PDCD2L: variants seen among roughly 807,000 people sequenced by gnomAD.
PDCD2L encodes uS5 assembly chaperone PDCD2L.
In PDCD2L, 44 loss-of-function variants were observed where a neutral mutation model predicts 40.4. The observed-to-expected ratio is 1.09, with a 90% CI of 0.86 to 1.40. PDCD2L has a LOEUF of 1.40. PDCD2L is among the 40% of genes most tolerant of loss of function. The pLI is 0.00. For synonymous variants in PDCD2L, 194 were observed against 174.6 expected (o/e 1.11, Z -0.88); for missense variants, 470 against 453.7 (o/e 1.04, Z -0.33).
intron 3 of PDCD2L, among the ~76,000 whole-genome samples, chr19:34,406,417 G>A (rs899724352): frequency 6.8e-6 from 1 of 146,126 alleles, no homozygotes; most frequent in African/African-American, 2.5e-5. Flanking sequence ...ACGGAGTCTT[G>A]CTCTGTTGCC....
chr19:34,408,542 G>A (rs1049980477), intron 3 of PDCD2L, among the ~76,000 whole-genome samples: 2 of 152,128 alleles, frequency 1.3e-5, no homozygotes, highest in African/African-American at 4.8e-5. Flanking sequence ...TTAGTAAGTG[G>A]ATAGGCTGAA....
intron 3 of PDCD2L, among the ~76,000 whole-genome samples, chr19:34,407,528 C>CT (rs1238656902): frequency 6.6e-6 from 1 of 151,980 alleles, no homozygotes. Context: ...CAGCATTTGT[C>CT]TTTGTGTCTG....
intron 4 of PDCD2L, among the ~76,000 whole-genome samples, chr19:34,409,817 C>G (rs1187067423): frequency 2.0e-5 from 3 of 152,062 alleles, no homozygotes; most frequent in African/African-American, 7.2e-5. Context: ...CAGAGACAGG[C>G]AAGTTAGAAA....
chr19:34,423,216 A>G (rs1473304056), intron 6 of PDCD2L, among the ~76,000 whole-genome samples: 1 of 151,726 alleles, frequency 6.6e-6, no homozygotes, highest in South Asian at 2.1e-4. Context: ...TTTGAGACGG[A>G]GTTTCACCCA....
chr19:34,410,330 C>T (rs1385254750), intron 4 of PDCD2L, among the ~76,000 whole-genome samples: 1 of 152,214 alleles, frequency 6.6e-6, no homozygotes, highest in Admixed American at 6.5e-5. Context: ...CGGCTCACTG[C>T]AACCTCCACC....
rs377501208 is a variant in PDCD2L, at chr19:34,426,162, A to G, written c.*42A>G. On this transcript the variant is annotated 3_prime_UTR_variant, in exon 7 of 7. Transcript: ENST00000246535. ...AATATAAATTAAAACAAATGTTTAC[A>G]TCCAAATATGTTTGTATGTACCTTA... 4.2e-6 allele frequency: 6 copies of G among 1,438,634 alleles called. No individual in the cohort carries two copies. In the African/African-American group the frequency reaches 7.2e-5, roughly 17 times the overall value. The allele number at this position is 1,438,634 out of a possible 1,614,324, so 89.1% of individuals were successfully genotyped here.
At chr19:34,409,611 C>A in intron 4 of PDCD2L, 101 bp downstream of exon 4, 1 of 1,071,228 alleles carries the variant, frequency 9.3e-7, no homozygotes, top group Non-Finnish European at 1.4e-6. Context: ...AACTTTCAGG[C>A]AGAACTTGTA....
Position 34,413,742 on chromosome 19 carries a change from C to T in PDCD2L, c.692C>T (p.Pro231Leu). 6.4e-7 allele frequency: 1 copy of T among 1,560,660 alleles called. No individual in the cohort carries two copies. Among genetic ancestry groups the T allele is most frequent in the Non-Finnish European group, 8.8e-7 (1 of 1,137,518 alleles). The change falls in exon 5 of 7, where the codon CCT (proline) becomes CTT (leucine). Residue 231 changes from proline (P) to leucine (L), a missense_variant. Pro to Leu is a moderately conservative substitution (Grantham distance 98). Coordinates refer to ENST00000246535, the MANE Select transcript of PDCD2L (RefSeq NM_032346.2). ...AMDQLLSQSL[P>L]NDGDEKYEKT... ...TTTTCTGCTTCTGTTTTTAGCCTTC[C>T]TAATGATGGTGATGAAAAATATGAG...
chr19:34,408,365 C>T (rs996379757), intron 3 of PDCD2L, among the ~76,000 whole-genome samples: 1 of 150,028 alleles, frequency 6.7e-6, no homozygotes, highest in South Asian at 2.1e-4. Flanking sequence ...GAGTGTCGCT[C>T]TGTCACCCAG....
chr19:34,410,253 G>A (rs1198533692), intron 4 of PDCD2L, among the ~76,000 whole-genome samples: 1 of 152,120 alleles, frequency 6.6e-6, no homozygotes, highest in Non-Finnish European at 1.5e-5. Context: ...ACACCACCAT[G>A]TCTGACCAAT....
chr19:34,406,146 CA>C (rs1171959712), intron 3 of PDCD2L, among the ~76,000 whole-genome samples: 1 of 151,458 alleles, frequency 6.6e-6, no homozygotes, highest in Non-Finnish European at 1.5e-5. Flanking sequence ...TGTCCCCTGC[CA>C]AAAAAACAAA....
At chr19:34,418,272 C>T (rs923304355) in intron 5 of PDCD2L, among the ~76,000 whole-genome samples, 6 of 152,206 alleles carry the variant, frequency 3.9e-5, no homozygotes, top group East Asian at 1.9e-4. Flanking sequence ...CATACTTCTT[C>T]GCAAGTTCTT....
chr19:34,405,871 A>G (rs2075072444), intron 3 of PDCD2L, among the ~76,000 whole-genome samples: 1 of 152,008 alleles, frequency 6.6e-6, no homozygotes, highest in African/African-American at 2.4e-5. Flanking sequence ...ATGCCACTGC[A>G]CTCCAGCGTG....
rs775170239 is a variant in PDCD2L at position 34,420,318 on chromosome 19, GT to G, written c.798-1189del. ...CCTTGTCCACTAGGTTTTTTTTTTG[GT>G]TTTTTTTTTTTACATATTCATTACT... On this transcript the variant is annotated intron_variant, in intron 5 of 6. Transcript: ENST00000246535. 7.5e-3 allele frequency among the ~76,000 whole-genome samples: 1,067 copies of G among 142,332 alleles called. 7 individuals carry two copies. Among genetic ancestry groups the G allele is most frequent in the African/African-American group, 0.024 (946 of 39,482 alleles). The allele number at this position is 142,332 out of a possible 152,430, so 93.4% of individuals were successfully genotyped here.
intron 3 of PDCD2L, among the ~76,000 whole-genome samples, chr19:34,405,504 T>C (rs543348581): frequency 5.3e-5 from 8 of 152,150 alleles, no homozygotes; most frequent in African/African-American, 1.7e-4. Context: ...TTTTATTTTC[T>C]AACTCCTTTG....
In PDCD2L at chr19:34,421,529, A is replaced by C. The variant is rs749887151; in HGVS notation, c.808A>C (p.Ser270Arg). ...CQEQILRYSW[S>R]GEPLFLTCPT... The stretch of plus-strand genomic sequence containing the variant: ...GTTTCCTTGTCCTAGGTATTCCTGG[A>C]GTGGAGAGCCACTCTTTTTGACCTG... Residue 270 changes from serine (S) to arginine (R), a missense_variant, in exon 6 of 7, where the codon AGT (serine) becomes CGT (arginine). Coordinates refer to ENST00000246535, the MANE Select transcript of PDCD2L (RefSeq NM_032346.2). 1.7e-5 allele frequency: 27 copies of C among 1,613,802 alleles called. No individual in the cohort carries two copies. Among genetic ancestry groups the C allele is most frequent in the South Asian group, 2.2e-5 (2 of 91,048 alleles).
chr19:34,415,586 A>C (rs1323217047), intron 5 of PDCD2L, among the ~76,000 whole-genome samples: 1 of 152,238 alleles, frequency 6.6e-6, no homozygotes, highest in Admixed American at 6.5e-5. Flanking sequence ...GGGCAGAATT[A>C]GCTCAAATGG....
chr19:34,420,884 T>C (rs537687615), intron 5 of PDCD2L, among the ~76,000 whole-genome samples: 38 of 151,900 alleles, frequency 2.5e-4, no homozygotes, highest in Admixed American at 1.6e-3. Context: ...GACTGGTTCA[T>C]GGAAGGCAAT....
intron 3 of PDCD2L, among the ~76,000 whole-genome samples, chr19:34,405,357 G>T (rs926461504): frequency 7.9e-5 from 12 of 151,048 alleles, no homozygotes; most frequent in Non-Finnish European, 1.6e-4. Flanking sequence ...TGGTGGTCAG[G>T]CTGGTCTCGA....
Sources: allele counts gnomAD v4.1 joint callset (sites outside exome capture counted in the v4.1 genomes callset), GRCh38; gene constraint gnomAD v4.1.1; transcripts MANE v1.5; gene names NCBI Gene and HGNC (gene_info 2026-07-23, HGNC 2026-07-21).